Variants in AHI1 observed in about 807,000 individuals in gnomAD.
AHI1 encodes jouberin.
In AHI1, 123 loss-of-function variants were observed where a neutral mutation model predicts 149.3. The ratio of observed to expected loss-of-function variants is 0.82; its 90% CI spans 0.71 to 0.96. AHI1 has a LOEUF of 0.96. Ranked by LOEUF, AHI1 falls within the 40% of genes least tolerant of loss-of-function variation. The probability of loss-of-function intolerance (pLI) is 0.00; values close to 1 mark genes in which losing one functional copy is unlikely to be tolerated. For missense variants in AHI1, 1,439 were observed against 1,422.7 expected (o/e 1.01, Z -0.18); for synonymous variants, 475 against 459.8 (o/e 1.03, Z -0.42).
chr6:135,372,072 G>C (rs1199862791), intron 23 of AHI1, among the ~76,000 whole-genome samples: 2 of 152,166 alleles, frequency 1.3e-5, no homozygotes, highest in Non-Finnish European at 2.9e-5. Context: ...GTTTCTGGAA[G>C]AACTGGCATT....
chr6:135,378,652 T>C (rs1481629570), intron 23 of AHI1, among the ~76,000 whole-genome samples: 2 of 152,204 alleles, frequency 1.3e-5, no homozygotes, highest in Admixed American at 6.5e-5. Flanking sequence ...TTAACAATAA[T>C]GTTATAGATT....
chr6:135,467,425 T>C (rs1413690444), intron 6 of AHI1, among the ~76,000 whole-genome samples, 156 bp downstream of exon 6: 1 of 152,198 alleles, frequency 6.6e-6, no homozygotes, highest in Non-Finnish European at 1.5e-5. Flanking sequence ...ACCCAACTGC[T>C]GATATTAAAA....
chr6:135,298,120 G>A (rs1266403314), intron 27 of AHI1, among the ~76,000 whole-genome samples: 1 of 152,058 alleles, frequency 6.6e-6, no homozygotes, highest in Non-Finnish European at 1.5e-5. Context: ...ATTTATAGCA[G>A]CCTCATTACC....
rs545834743 is a variant in AHI1 at position 135,427,240 on chromosome 6, T to A, written c.2691A>T (p.Pro897=). 6.2e-7 allele frequency: 1 copy of A among 1,610,762 alleles called. No individual in the cohort carries two copies. Among genetic ancestry groups the A allele is most frequent in the East Asian group, 2.2e-5 (1 of 44,706 alleles). ...CACAGAATGCAACCATATTTTCAAA[T>A]GGATGATAAGAAATGTCTCGAATGG... ...KSPIRDISYH[P]FENMVAFCAF... is the part of the protein sequence containing the mutation. The change falls in exon 20 of 29, where the codon CCA becomes CCT. Residue 897 remains proline, a synonymous_variant. Coordinates refer to ENST00000265602, the MANE Select transcript of AHI1 (RefSeq NM_001134831.2).
intron 14 of AHI1, among the ~76,000 whole-genome samples, chr6:135,439,620 A>G (rs1037753129): frequency 2.6e-5 from 4 of 152,218 alleles, no homozygotes; most frequent in African/African-American, 9.6e-5. Flanking sequence ...AAAATCTTCT[A>G]TCCGTGAAAT....
At chr6:135,302,664 A>G (rs771768933) in intron 26 of AHI1, 17 of 1,180,258 alleles carry the variant, frequency 1.4e-5, no homozygotes, top group Non-Finnish European at 1.8e-5. Context: ...TGAAAAGGAC[A>G]CTTACTTAAC....
intron 23 of AHI1, among the ~76,000 whole-genome samples, chr6:135,364,648 G>A (rs538298107): frequency 1.9e-4 from 29 of 152,136 alleles, no homozygotes; most frequent in East Asian, 1.4e-3. Flanking sequence ...CCGGCACCTC[G>A]GGAGGCCGAG....
At chr6:135,434,089 C>G (rs1436921654) in intron 15 of AHI1, among the ~76,000 whole-genome samples, 1 of 151,572 alleles carries the variant, frequency 6.6e-6, no homozygotes, top group East Asian at 1.9e-4. Context: ...GTTAAATTAT[C>G]AAAATTAGAA....
At chr6:135,426,107 A>G (rs1783876558) in intron 20 of AHI1, among the ~76,000 whole-genome samples, 1 of 151,770 alleles carries the variant, frequency 6.6e-6, no homozygotes, top group African/African-American at 2.4e-5. Flanking sequence ...TGGTGAAACT[A>G]GACACCAGAT....
intron 24 of AHI1, among the ~76,000 whole-genome samples, chr6:135,346,886 G>A (rs1791311791): frequency 6.6e-6 from 1 of 152,082 alleles, no homozygotes; most frequent in African/African-American, 2.4e-5. Flanking sequence ...CAGCTTCTGG[G>A]CCCCTTTCTT....
Position 135,289,093 on chromosome 6 carries a change from C to CT in AHI1, c.3588+1329dup, listed in dbSNP as rs544064887. On this transcript the variant is annotated intron_variant, in intron 28 of 28. Transcript: ENST00000265602. ...TGTCTGTTGCCATTTATATTTATCC[C>CT]TTTAAGAATCCTTTAAGAATGTCCT... 1.5e-4 allele frequency among the ~76,000 whole-genome samples: 23 copies of CT among 148,516 alleles called. 1 individual carries two copies. The highest frequency in any genetic ancestry group is 5.3e-4 in the African/African-American group (20 of 37,976).
intron 24 of AHI1, among the ~76,000 whole-genome samples, chr6:135,336,609 C>T (rs188534242): frequency 1.3e-5 from 2 of 152,240 alleles, no homozygotes; most frequent in African/African-American, 4.8e-5. Flanking sequence ...ACAATAATCT[C>T]CTGTATCTTA....
chr6:135,464,635 G>T (rs185028885), intron 7 of AHI1, among the ~76,000 whole-genome samples: 1 of 152,300 alleles, frequency 6.6e-6, no homozygotes, highest in Non-Finnish European at 1.5e-5. Flanking sequence ...CCCTTGGTCT[G>T]GGGAAGCAAG....
chr6:135,474,272 T>C (rs1423160135), intron 5 of AHI1, among the ~76,000 whole-genome samples: 1 of 152,216 alleles, frequency 6.6e-6, no homozygotes, highest in East Asian at 1.9e-4. Context: ...GACGATTATG[T>C]CATTTGTGAA....
chr6:135,490,724 T>G lies in AHI1; in HGVS notation c.34A>C (p.Thr12Pro), dbSNP rs761288707. ...PTAESEAKVK[T>P]KVRFEELLKT... ...AGCAATTCTTCAAAGCGAACTTTGG[T>G]TTTTACTTTTGCTTCACTCTCAGCT... Residue 12 changes from threonine to proline, a missense_variant, in exon 5 of 29, where the codon ACC becomes CCC. Thr to Pro is a conservative substitution (Grantham distance 38). Transcript: ENST00000265602. 1.2e-6 allele frequency: 2 copies of G among 1,612,842 alleles called. No individual in the cohort carries two copies. The highest frequency in any genetic ancestry group is 1.7e-4 in the Middle Eastern group (1 of 6,058).
intron 24 of AHI1, among the ~76,000 whole-genome samples, chr6:135,354,395 A>G (rs1792632835): frequency 6.6e-6 from 1 of 152,136 alleles, no homozygotes; most frequent in African/African-American, 2.4e-5. Context: ...GTTTCAATGT[A>G]TTTTACATGT....
At chr6:135,297,576 C>T (rs751936846) in intron 27 of AHI1, 1 of 453,978 alleles carries the variant, frequency 2.2e-6, no homozygotes, top group Non-Finnish European at 4.4e-6. Context: ...TCTATTTCCT[C>T]ATCTGACCTG....
intron 8 of AHI1, among the ~76,000 whole-genome samples, chr6:135,460,114 T>C (rs1300906643): frequency 6.6e-6 from 1 of 152,010 alleles, no homozygotes. Flanking sequence ...ACCTGGGAAG[T>C]ATAAGTTGCA....
intron 23 of AHI1, among the ~76,000 whole-genome samples, chr6:135,394,329 GCTT>G (rs1355789036): frequency 3.3e-5 from 5 of 151,960 alleles, no homozygotes; most frequent in African/African-American, 1.2e-4. Flanking sequence ...TATGTAACAA[GCTT>G]TTTTGCATAT....
Sources: gnomAD v4.1 joint callset for allele counts (sites outside exome capture counted in the v4.1 genomes callset) on GRCh38, gnomAD v4.1.1 for gene constraint, MANE v1.5 for transcripts, NCBI Gene and HGNC (gene_info 2026-07-23, HGNC 2026-07-21) for gene names.